Variants in LRRC4C observed in about 807,000 individuals in gnomAD.
LRRC4C encodes the protein leucine rich repeat containing 4C.
LRRC4C carries 5 observed loss-of-function variants against 33.6 expected under a neutral mutation model. That is an observed-to-expected ratio of 0.15 (90% confidence interval 0.08 to 0.31). LRRC4C has a LOEUF of 0.31. Among genes scored for constraint, LRRC4C ranks in the 10% least tolerant of loss-of-function variants. The probability of loss-of-function intolerance (pLI) is 1.00; values close to 1 mark genes in which losing one functional copy is unlikely to be tolerated. For synonymous variants in LRRC4C, 329 were observed against 302.0 expected, an observed-to-expected ratio of 1.09 and a Z score of -0.93; for missense variants, 560 against 796.7, an observed-to-expected ratio of 0.70 and a Z score of 3.58.
intron 3 of LRRC4C, among the ~76,000 whole-genome samples, chr11:40,591,855 A>G (rs1959073784): frequency 6.6e-6 from 1 of 152,244 alleles, no homozygotes; most frequent in Non-Finnish European, 1.5e-5. Context: ...CAACTGACTT[A>G]TACAACTAGG....
chr11:40,275,011 A>T (rs1385725306), intron 4 of LRRC4C, among the ~76,000 whole-genome samples: 1 of 152,132 alleles, frequency 6.6e-6, no homozygotes, highest in Admixed American at 6.6e-5. Context: ...GTCATTTGTC[A>T]CACACTTGTG....
At chr11:41,308,273 A>G (rs1323759846) in intron 1 of LRRC4C, among the ~76,000 whole-genome samples, 1 of 151,998 alleles carries the variant, frequency 6.6e-6, no homozygotes, top group Non-Finnish European at 1.5e-5. Flanking sequence ...AAACGCATAC[A>G]TTCTGGGGGC....
chr11:41,434,553 CA>C lies in LRRC4C; in HGVS notation c.-496+24877del, dbSNP rs1339176972. 2.6e-5 allele frequency among the ~76,000 whole-genome samples: 4 copies of C among 152,196 alleles called. No individual in the cohort carries two copies. The East Asian group carries it at 7.7e-4, about 29-fold the overall frequency. On this transcript the variant is annotated intron_variant, in intron 1 of 6. Coordinates refer to ENST00000528697, the MANE Select transcript of LRRC4C (RefSeq NM_001258419.2). ...AGGGAAGGACGTACATCCCATGATA[CA>C]AAATACAGGGAAGGACTTCGTGCAC...
chr11:40,946,991 A>T (rs1000746956), intron 1 of LRRC4C, among the ~76,000 whole-genome samples: 2 of 152,208 alleles, frequency 1.3e-5, no homozygotes, highest in African/African-American at 2.4e-5. Flanking sequence ...TTATGTAGAA[A>T]TTAAACATAA....
chr11:40,327,722 T>C (rs1018818472), intron 3 of LRRC4C, among the ~76,000 whole-genome samples: 11 of 151,978 alleles, frequency 7.2e-5, no homozygotes, highest in African/African-American at 2.4e-4. Flanking sequence ...TGCTTGAACA[T>C]TTTCAAAATT....
chr11:41,407,069 A>G (rs1313783833), intron 1 of LRRC4C, among the ~76,000 whole-genome samples: 2 of 152,178 alleles, frequency 1.3e-5, no homozygotes. Flanking sequence ...GTAATTATTA[A>G]AGATATGTGT....
At chr11:41,188,795 G>A (rs530853111) in intron 1 of LRRC4C, among the ~76,000 whole-genome samples, 2 of 151,348 alleles carry the variant, frequency 1.3e-5, no homozygotes, top group South Asian at 4.2e-4. Context: ...GTTTTGGGCA[G>A]GTTATCTCTA....
In LRRC4C at chr11:41,369,733, T is replaced by C. The variant is rs140069202; in HGVS notation, c.-496+89698A>G. Among the ~76,000 whole-genome samples, 334 of 151,898 alleles carry C rather than the reference T, an allele frequency of 2.2e-3. 1 individual carries two copies. The highest frequency in any genetic ancestry group is 3.9e-3 in the Non-Finnish European group (268 of 67,964). On this transcript the variant is annotated intron_variant, in intron 1 of 6. Transcript: ENST00000528697. ...AATCTGTCATGGAATGGCAGAATGCTCATATAAGGAACTTAGATTTCATTC... is the reference window on the plus strand; with the variant it reads ...AATCTGTCATGGAATGGCAGAATGCCCATATAAGGAACTTAGATTTCATTC...
intron 3 of LRRC4C, among the ~76,000 whole-genome samples, chr11:40,478,295 C>A (rs764603851): frequency 2.0e-5 from 3 of 152,080 alleles, no homozygotes; most frequent in Non-Finnish European, 2.9e-5. Flanking sequence ...GAATAAAATT[C>A]TCTGAGAACA....
chr11:41,112,105 T>C (rs556942410), intron 1 of LRRC4C, among the ~76,000 whole-genome samples: 2 of 152,018 alleles, frequency 1.3e-5, no homozygotes, highest in Non-Finnish European at 2.9e-5. Context: ...ATTTGCTACA[T>C]TAACAGTTTG....
At chr11:41,228,756 C>T (rs1438074427) in intron 1 of LRRC4C, among the ~76,000 whole-genome samples, 1 of 152,060 alleles carries the variant, frequency 6.6e-6, no homozygotes, top group African/African-American at 2.4e-5. Flanking sequence ...TTTGTCTTAA[C>T]TCTTCACAGT....
chr11:40,530,051 T>A (rs1451128682), intron 3 of LRRC4C, among the ~76,000 whole-genome samples: 1 of 152,096 alleles, frequency 6.6e-6, no homozygotes, highest in Non-Finnish European at 1.5e-5. Context: ...CTTTCTGACA[T>A]GCTGAAACTA....
At position 40,664,284 on chromosome 11, in the gene LRRC4C, C is replaced by G. The variant is rs200461764; in HGVS notation, c.-406-16006G>C. Among the ~76,000 whole-genome samples the G allele has an allele frequency of 9.9e-5, 15 of 152,162 alleles. No homozygotes were observed. The East Asian group carries it at 2.1e-3, about 22-fold the overall frequency. ...TGTGGGCTGGACATGGTGGCTCATGCCTATAATCCTAGCACTTTGAGAGGG... is the reference window on the plus strand; with the variant it reads ...TGTGGGCTGGACATGGTGGCTCATGGCTATAATCCTAGCACTTTGAGAGGG... On this transcript the variant is annotated intron_variant, in intron 2 of 6. Coordinates refer to ENST00000528697, the MANE Select transcript of LRRC4C (RefSeq NM_001258419.2).
Position 40,128,632 on chromosome 11 carries a change from G to A in LRRC4C, c.-43+12169C>T, listed in dbSNP as rs28609245. 1.9e-3 allele frequency among the ~76,000 whole-genome samples: 284 copies of A among 152,094 alleles called. 1 individual carries two copies. The highest frequency in any genetic ancestry group is 6.8e-3 in the Middle Eastern group (2 of 294). On this transcript the variant is annotated intron_variant, in intron 6 of 6. Transcript: ENST00000528697. ...AAACTGCTTTGGTCTCCAAGACTCA[G>A]CCTGACCTCTGTCTGCTTCTCCCAC...
At chr11:41,079,750 A>G (rs573789521) in intron 1 of LRRC4C, among the ~76,000 whole-genome samples, 1 of 152,310 alleles carries the variant, frequency 6.6e-6, no homozygotes, top group African/African-American at 2.4e-5. Flanking sequence ...CAAATTCATA[A>G]ACTTTCTTAA....
chr11:40,212,431 A>G (rs1863669263), intron 5 of LRRC4C, among the ~76,000 whole-genome samples: 2 of 151,352 alleles, frequency 1.3e-5, no homozygotes, highest in Non-Finnish European at 2.9e-5. Context: ...AAAACACACA[A>G]CTTTTACAAG....
intron 3 of LRRC4C, among the ~76,000 whole-genome samples, chr11:40,599,305 A>G (rs1959721379): frequency 6.6e-6 from 1 of 151,784 alleles, no homozygotes. Context: ...AAAAAAAATC[A>G]CCAGGTTTCG....
intron 3 of LRRC4C, among the ~76,000 whole-genome samples, chr11:40,582,662 A>G (rs1958522855): frequency 6.6e-6 from 1 of 151,666 alleles, no homozygotes; most frequent in African/African-American, 2.4e-5. Flanking sequence ...GATTACAGGT[A>G]CACGCCACCA....
intron 1 of LRRC4C, among the ~76,000 whole-genome samples, chr11:40,963,905 G>T (rs1851143249): frequency 6.6e-6 from 1 of 151,726 alleles, no homozygotes; most frequent in Admixed American, 6.6e-5. Context: ...ACTGCAAAAT[G>T]CAGAAATGCC....
Sources: gnomAD v4.1 joint callset for allele counts (sites outside exome capture counted in the v4.1 genomes callset) on GRCh38, gnomAD v4.1.1 for gene constraint, MANE v1.5 for transcripts, NCBI Gene and HGNC (gene_info 2026-07-23, HGNC 2026-07-21) for gene names.